The following CDK14 variants were observed in gnomAD, a reference collection of about 807,000 sequenced individuals.
The protein encoded by CDK14 is cyclin-dependent kinase 14.
CDK14 carries 34 observed loss-of-function variants against 60.7 expected under a neutral mutation model. The observed-to-expected ratio is 0.56, with a 90% CI of 0.43 to 0.75. CDK14 has a LOEUF of 0.75. CDK14 is among the 30% of genes least tolerant of loss of function. The pLI is 0.00. For synonymous variants in CDK14, 197 were observed against 203.7 expected (o/e 0.97, Z 0.28); for missense variants, 482 against 564.1 (o/e 0.85, Z 1.47).
At chr7:90,709,106 C>G (rs895314960) in intron 2 of CDK14, 1 of 158,512 alleles carries the variant, frequency 6.3e-6, no homozygotes, top group African/African-American at 2.4e-5. Context: ...AAGCTCATAA[C>G]TATGCATTCT....
intron 6 of CDK14, among the ~76,000 whole-genome samples, chr7:90,895,834 C>A (rs543923983): frequency 6.6e-6 from 1 of 150,468 alleles, no homozygotes; most frequent in African/African-American, 2.4e-5. Context: ...CCTCAGCCTC[C>A]CAAAGTGCTG....
chr7:90,850,006 A>G lies in CDK14; in HGVS notation c.545-13169A>G, dbSNP rs187019938. Among the ~76,000 whole-genome samples, 4 of 152,216 alleles carry G rather than the reference A, an allele frequency of 2.6e-5. No homozygotes were observed. The East Asian group carries it at 5.8e-4, about 22-fold the overall frequency. On this transcript the variant is annotated intron_variant, in intron 5 of 14. Coordinates refer to ENST00000380050, the MANE Select transcript of CDK14 (RefSeq NM_001287135.2). The stretch of plus-strand genomic sequence containing the variant: ...CATAATCTGAAATGTGTGTGGAAAT[A>G]AAATAATGCCTTTTTAGTTATAGCA...
chr7:91,127,414 G>A (rs1799985199), intron 14 of CDK14, among the ~76,000 whole-genome samples: 1 of 152,130 alleles, frequency 6.6e-6, no homozygotes, highest in African/African-American at 2.4e-5. Context: ...CAGAAAATAA[G>A]AGGGATTTTC....
intron 2 of CDK14, among the ~76,000 whole-genome samples, chr7:90,725,272 G>GAT (rs1417253792): frequency 9.8e-5 from 15 of 152,292 alleles, no homozygotes; most frequent in Middle Eastern, 3.4e-3. Context: ...CATGTCTGGA[G>GAT]ATATCTGATG....
In CDK14 at chr7:91,110,189, A is replaced by C. The variant is rs144840718; in HGVS notation, c.1155-2353A>C. On this transcript the variant is annotated intron_variant, in intron 12 of 14. Coordinates refer to ENST00000380050, the MANE Select transcript of CDK14 (RefSeq NM_001287135.2). ...ACAAAGGCTCTGATGTTGAAAATGC[A>C]TGTAGAGACTTAAAATGAAATTTCT... Among the ~76,000 whole-genome samples the C allele has an allele frequency of 1.7e-3, 265 of 152,264 alleles. 1 individual carries two copies. Among genetic ancestry groups the C allele is most frequent in the African/African-American group, 6.1e-3 (254 of 41,592 alleles).
intron 12 of CDK14, among the ~76,000 whole-genome samples, chr7:91,099,856 A>T (rs1478184087): frequency 1.3e-5 from 2 of 152,150 alleles, no homozygotes. Context: ...TCTGTTGAAT[A>T]CATGTCTTTG....
At chr7:90,676,813 G>A (rs4727235) in intron 2 of CDK14, among the ~76,000 whole-genome samples, 89,379 of 151,780 alleles carry the variant, frequency 0.59, 26,542 homozygotes, top group East Asian at 0.77. Flanking sequence ...TGGGATTACA[G>A]GCATGAGCCA....
intron 2 of CDK14, among the ~76,000 whole-genome samples, chr7:90,674,712 A>T (rs1222929299): frequency 6.6e-6 from 1 of 151,944 alleles, no homozygotes; most frequent in African/African-American, 2.4e-5. Flanking sequence ...TGGTCTAGGC[A>T]GTTTAAAAAA....
chr7:91,184,204 T>TAAAAAAAAAAAAA (rs59565390), intron 14 of CDK14, among the ~76,000 whole-genome samples: 3,381 of 36,584 alleles, frequency 0.092, 939 homozygotes, highest in African/African-American at 0.14. Context: ...GGCTCCGTCT[T>TAAAAAAAAAAAAA]AAAAAAAAAA....
At chr7:90,669,342 GA>G (rs1288699623) in intron 2 of CDK14, among the ~76,000 whole-genome samples, 6 of 152,158 alleles carry the variant, frequency 3.9e-5, no homozygotes, top group Non-Finnish European at 5.9e-5. Flanking sequence ...TGCTCTTTGT[GA>G]AACTCCCTAC....
chr7:91,055,156 A>G (rs1322179357), intron 11 of CDK14, among the ~76,000 whole-genome samples: 2 of 152,158 alleles, frequency 1.3e-5, no homozygotes, highest in East Asian at 3.9e-4. Flanking sequence ...CACAAAGGAT[A>G]TTTTTCCTCA....
At chr7:90,951,098 G>A (rs147631129) in intron 8 of CDK14, among the ~76,000 whole-genome samples, 197 of 152,260 alleles carry the variant, frequency 1.3e-3, no homozygotes, top group African/African-American at 4.3e-3. Flanking sequence ...CCTTCACCCC[G>A]TGGACTGATT....
chr7:90,803,329 A>G (rs960147800), intron 5 of CDK14, among the ~76,000 whole-genome samples: 1 of 152,158 alleles, frequency 6.6e-6, no homozygotes, highest in African/African-American at 2.4e-5. Context: ...CAGATTATGC[A>G]GTGTTAGAGA....
At chr7:90,900,765 A>C (rs61704425) in intron 7 of CDK14, among the ~76,000 whole-genome samples, 4,366 of 152,228 alleles carry the variant, frequency 0.029, 190 homozygotes, top group African/African-American at 0.097. Context: ...TCAGTGATAC[A>C]ATTGAGATTA....
At chr7:90,611,510 C>T (rs888858466) in intron 2 of CDK14, among the ~76,000 whole-genome samples, 2 of 152,228 alleles carry the variant, frequency 1.3e-5, no homozygotes, top group African/African-American at 4.8e-5. Flanking sequence ...CTGATGCTAT[C>T]CTAACCTTTT....
At chr7:90,992,891 G>A (rs802411) in intron 10 of CDK14, among the ~76,000 whole-genome samples, 150,042 of 152,316 alleles carry the variant, frequency 0.99, 73,941 homozygotes, top group East Asian at 1. Flanking sequence ...GTGAATCCAC[G>A]GAGTTTGAAG....
rs185537573 is a variant in CDK14, at chr7:90,631,046, C to A, written c.123+26797C>A. ...CATCTCTGTATATTACAAACACTTA[C>A]TATCAAAAGGTGGTGGTACTCTGAT... On this transcript the variant is annotated intron_variant, in intron 2 of 14. Transcript: ENST00000380050. Among the ~76,000 whole-genome samples the A allele has an allele frequency of 7.7e-3, 1,167 of 152,196 alleles. 16 individuals are homozygous for A. The highest frequency in any genetic ancestry group is 9.0e-3 in the Non-Finnish European group (611 of 68,008).
At chr7:90,601,990 A>G (rs1023775033) in intron 1 of CDK14, among the ~76,000 whole-genome samples, 1 of 150,614 alleles carries the variant, frequency 6.6e-6, no homozygotes, top group African/African-American at 2.4e-5. Flanking sequence ...TTGTTTTTGT[A>G]GAGACAGGGA....
intron 2 of CDK14, among the ~76,000 whole-genome samples, chr7:90,684,840 A>G (rs561429072): frequency 1.4e-4 from 21 of 152,202 alleles, no homozygotes; most frequent in Admixed American, 3.9e-4. Flanking sequence ...TACTGCACAT[A>G]TATATGTTTC....
Sources: allele counts gnomAD v4.1 joint callset (sites outside exome capture counted in the v4.1 genomes callset), GRCh38; gene constraint gnomAD v4.1.1; transcripts MANE v1.5; gene names NCBI Gene and HGNC (gene_info 2026-07-23, HGNC 2026-07-21).